The following SCFD1 variants were observed in gnomAD, a reference collection of about 807,000 sequenced individuals.
SCFD1 encodes the protein sec1 family domain-containing protein 1.
SCFD1 carries 37 observed loss-of-function variants against 103.2 expected under a neutral mutation model. That is an observed-to-expected ratio of 0.36 (90% CI 0.28 to 0.47). The LOEUF is 0.47. Among genes scored for constraint, SCFD1 ranks in the 20% least tolerant of loss-of-function variants. SCFD1 has a pLI of 1.00. For missense variants in SCFD1, 639 were observed against 761.2 expected, an observed-to-expected ratio of 0.84 and a Z score of 1.89; for synonymous variants, 264 against 245.0, an observed-to-expected ratio of 1.08 and a Z score of -0.73.
chr14:30,625,080 C>CT (rs886345576), intron 1 of SCFD1, among the ~76,000 whole-genome samples: 17 of 151,512 alleles, frequency 1.1e-4, no homozygotes, highest in Admixed American at 9.2e-4. Flanking sequence ...ATATGTTTTA[C>CT]TTTTTTTTTA....
intron 23 of SCFD1, among the ~76,000 whole-genome samples, chr14:30,731,776 A>G (rs879477311): frequency 3.9e-5 from 6 of 152,162 alleles, no homozygotes; most frequent in East Asian, 3.9e-4. Flanking sequence ...GGTTTTCTAG[A>G]TATACAATCA....
intron 17 of SCFD1, among the ~76,000 whole-genome samples, chr14:30,705,500 G>A (rs1229720661): frequency 2.0e-5 from 3 of 152,212 alleles, no homozygotes; most frequent in African/African-American, 7.2e-5. Flanking sequence ...GCTGGGCGCA[G>A]TGGCTCACAC....
intron 14 of SCFD1, among the ~76,000 whole-genome samples, chr14:30,677,827 CTTTTTTTTTTTTTTTTTTT>C (rs58942207): frequency 1.5e-5 from 1 of 67,516 alleles, no homozygotes. Context: ...ACCTAAGCAC[CTTTTTTTTTTTTTTTTTTT>C]TTTTTTTTTT....
intron 1 of SCFD1, 72 bp downstream of exon 1, chr14:30,622,471 A>G (rs1337842148): frequency 6.5e-7 from 1 of 1,533,078 alleles, no homozygotes; most frequent in African/African-American, 1.4e-5. Context: ...TGGTGCGTGC[A>G]GCTCAGAGAC....
At chr14:30,624,274 G>A (rs960907658) in intron 1 of SCFD1, among the ~76,000 whole-genome samples, 1 of 152,276 alleles carries the variant, frequency 6.6e-6, no homozygotes, top group African/African-American at 2.4e-5. Flanking sequence ...CTTCGTTACA[G>A]GTTCTTGCAC....
At chr14:30,657,029 G>T (rs1005453484) in intron 10 of SCFD1, among the ~76,000 whole-genome samples, 1 of 152,116 alleles carries the variant, frequency 6.6e-6, no homozygotes, top group Non-Finnish European at 1.5e-5. Flanking sequence ...GGCCCTTACT[G>T]TTGGGTAGGA....
intron 1 of SCFD1, among the ~76,000 whole-genome samples, chr14:30,627,536 C>T (rs1346184934): frequency 6.6e-6 from 1 of 151,926 alleles, no homozygotes; most frequent in Non-Finnish European, 1.5e-5. Context: ...CACCTGAGGT[C>T]GGGAGTTCTA....
chr14:30,666,124 A>C (rs1462279254), intron 10 of SCFD1, among the ~76,000 whole-genome samples: 1 of 152,190 alleles, frequency 6.6e-6, no homozygotes, highest in Non-Finnish European at 1.5e-5. Flanking sequence ...ACCACATCAC[A>C]CTTATTCCAA....
intron 5 of SCFD1, among the ~76,000 whole-genome samples, chr14:30,639,354 C>G (rs1248722987): frequency 6.6e-6 from 1 of 152,168 alleles, no homozygotes; most frequent in Non-Finnish European, 1.5e-5. Flanking sequence ...CTCTGCACTT[C>G]CAAAGAACTG....
intron 14 of SCFD1, among the ~76,000 whole-genome samples, chr14:30,684,790 G>T (rs1391790556): frequency 3.1e-4 from 22 of 72,094 alleles, no homozygotes; most frequent in African/African-American, 5.1e-4. Flanking sequence ...AATGCTGTAT[G>T]TTGCAATTGT....
At chr14:30,699,388 A>G (rs1310818998) in intron 15 of SCFD1, among the ~76,000 whole-genome samples, 1 of 152,218 alleles carries the variant, frequency 6.6e-6, no homozygotes, top group African/African-American at 2.4e-5. Flanking sequence ...AGTGAGACTG[A>G]ATATTGTTAT....
At chr14:30,683,208 A>G in intron 14 of SCFD1, 1 of 1,134,944 alleles carries the variant, frequency 8.8e-7, no homozygotes, top group African/African-American at 1.5e-5. Flanking sequence ...TGGAGAGCAG[A>G]ATGGTCCTGA....
intron 1 of SCFD1, among the ~76,000 whole-genome samples, chr14:30,624,704 A>C (rs1021649424): frequency 1.4e-4 from 22 of 152,176 alleles, no homozygotes; most frequent in African/African-American, 5.1e-4. Context: ...TGTTTGCTCA[A>C]AATCTTCCAG....
At position 30,701,493 on chromosome 14, in the gene SCFD1, T is replaced by G. The variant is rs1272181865; in HGVS notation, c.1411-803T>G. ...TGCCTTGAACCTGGGAGGCAGAGGTTGCAGTGAGCCAAGATTGCTCCACTG... is the reference window on the plus strand; with the variant it reads ...TGCCTTGAACCTGGGAGGCAGAGGTGGCAGTGAGCCAAGATTGCTCCACTG... On this transcript the variant is annotated intron_variant, in intron 16 of 24. Coordinates refer to ENST00000458591, the MANE Select transcript of SCFD1 (RefSeq NM_016106.4). 3.3e-5 allele frequency among the ~76,000 whole-genome samples: 5 copies of G among 152,068 alleles called. No homozygotes were observed. The East Asian group carries it at 9.7e-4, about 29-fold the overall frequency.
At chr14:30,682,660 A>G (rs1889581775) in intron 14 of SCFD1, among the ~76,000 whole-genome samples, 1 of 152,202 alleles carries the variant, frequency 6.6e-6, no homozygotes, top group East Asian at 1.9e-4. Flanking sequence ...TATACCAACC[A>G]TAGATGATTA....
chr14:30,730,444 C>A (rs576316396), intron 23 of SCFD1, among the ~76,000 whole-genome samples: 3 of 152,278 alleles, frequency 2.0e-5, no homozygotes, highest in East Asian at 1.9e-4. Context: ...ACTGTCTTCC[C>A]CAATGGTTGA....
intron 3 of SCFD1, among the ~76,000 whole-genome samples, chr14:30,631,081 C>T (rs1377518174): frequency 6.6e-6 from 1 of 152,142 alleles, no homozygotes; most frequent in Non-Finnish European, 1.5e-5. Context: ...AAACCGGGCA[C>T]GGTGGCTCAC....
intron 19 of SCFD1, 155 bp from the exon 20 acceptor site, chr14:30,715,769 A>C: frequency 1.9e-6 from 1 of 538,744 alleles, no homozygotes. Context: ...GAGTATTTAC[A>C]TCTTTGACAT....
At chr14:30,643,295 C>T (rs761803138) in intron 6 of SCFD1, 21 bp from the exon 7 acceptor site, 1 of 1,521,584 alleles carries the variant, frequency 6.6e-7, no homozygotes, top group South Asian at 1.1e-5. Flanking sequence ...AACTTTTTCT[C>T]CTTTTCCTAT....
Sources: allele counts gnomAD v4.1 joint callset (sites outside exome capture counted in the v4.1 genomes callset), GRCh38; gene constraint gnomAD v4.1.1; transcripts MANE v1.5; gene names NCBI Gene and HGNC (gene_info 2026-07-23, HGNC 2026-07-21).